MYT1L: variants seen among roughly 807,000 people sequenced by gnomAD.
The protein encoded by MYT1L is myelin transcription factor 1-like protein.
A neutral mutation model predicts 126.7 loss-of-function variants in MYT1L; 12 were observed. The ratio of observed to expected loss-of-function variants is 0.09; its 90% CI spans 0.06 to 0.15. The LOEUF is 0.15. Among genes scored for constraint, MYT1L ranks in the 10% least tolerant of loss-of-function variants. MYT1L has a pLI of 1.00. For missense variants in MYT1L, 979 were observed against 1,585.2 expected (o/e 0.62, Z 6.49); for synonymous variants, 541 against 604.2 (o/e 0.90, Z 1.53).
intron 4 of MYT1L, among the ~76,000 whole-genome samples, chr2:2,019,543 G>T (rs1279828563): frequency 1.1e-4 from 17 of 152,206 alleles, no homozygotes; most frequent in Admixed American, 1.1e-3. Flanking sequence ...CTTATCTCAA[G>T]TGATACATAA....
intron 13 of MYT1L, among the ~76,000 whole-genome samples, chr2:1,908,889 A>C (rs983693701): frequency 1.3e-5 from 2 of 152,186 alleles, no homozygotes; most frequent in African/African-American, 2.4e-5. Flanking sequence ...TTTATTGAGG[A>C]GTTATCTCTT....
At chr2:1,894,778 G>A (rs892140838) in intron 14 of MYT1L, among the ~76,000 whole-genome samples, 16 of 152,168 alleles carry the variant, frequency 1.1e-4, no homozygotes, top group East Asian at 3.9e-4. Context: ...GAGTGTGGGT[G>A]TGGAGGTGTG....
chr2:1,900,793 C>T (rs2050242559), intron 14 of MYT1L, among the ~76,000 whole-genome samples: 1 of 152,136 alleles, frequency 6.6e-6, no homozygotes, highest in Admixed American at 6.5e-5. Context: ...CTCTGTTTTC[C>T]TGAAGCCCTA....
chr2:2,124,655 T>G (rs986778623), intron 3 of MYT1L, among the ~76,000 whole-genome samples: 3 of 152,232 alleles, frequency 2.0e-5, no homozygotes, highest in Admixed American at 6.5e-5. Context: ...ATCTGCTATA[T>G]CTCATTGATT....
chr2:1,872,198 T>A (rs2046359883), intron 18 of MYT1L, among the ~76,000 whole-genome samples: 1 of 152,160 alleles, frequency 6.6e-6, no homozygotes, highest in Non-Finnish European at 1.5e-5. Flanking sequence ...GATGTCTCCA[T>A]CATTGTCTCG....
chr2:2,147,758 G>A (rs972536403), intron 3 of MYT1L, among the ~76,000 whole-genome samples: 11 of 152,198 alleles, frequency 7.2e-5, no homozygotes, highest in African/African-American at 2.4e-4. Context: ...GGGTGTCTGC[G>A]TCCCAGACGA....
chr2:2,207,109 C>A (rs1263816241), intron 2 of MYT1L, among the ~76,000 whole-genome samples: 4 of 152,180 alleles, frequency 2.6e-5, no homozygotes, highest in African/African-American at 9.7e-5. Context: ...ATGTATTGAT[C>A]AGTTGTTGAA....
chr2:2,088,750 A>G (rs2076606147), intron 3 of MYT1L, among the ~76,000 whole-genome samples: 2 of 152,218 alleles, frequency 1.3e-5, no homozygotes, highest in South Asian at 4.1e-4. Context: ...CCTGAATAAT[A>G]CTTTTAAAGA....
chr2:2,289,189 T>C (rs2095563777), intron 1 of MYT1L, among the ~76,000 whole-genome samples: 1 of 152,222 alleles, frequency 6.6e-6, no homozygotes, highest in South Asian at 2.1e-4. Context: ...AAAATCCCAG[T>C]AGGTGGCCCT....
intron 9 of MYT1L, among the ~76,000 whole-genome samples, chr2:1,924,995 T>C (rs4853821): frequency 0.076 from 11,538 of 152,168 alleles, 481 homozygotes; most frequent in African/African-American, 0.12. Context: ...ATTACAGAAG[T>C]TTCCTCAGAA....
At chr2:2,298,760 T>A (rs2095738985) in intron 1 of MYT1L, among the ~76,000 whole-genome samples, 1 of 152,204 alleles carries the variant, frequency 6.6e-6, no homozygotes, top group Admixed American at 6.5e-5. Context: ...GGTGGCACCC[T>A]CACTGAAGTT....
rs556562747 is a variant in MYT1L, at chr2:1,801,501, C to T, written c.3276+195G>A. 8.1e-5 allele frequency: 40 copies of T among 496,892 alleles called. No individual in the cohort carries two copies. The East Asian group carries it at 1.2e-3, about 15-fold the overall frequency. 30.8% of individuals were successfully genotyped at this position (496,892 alleles called of 1,614,324 possible). A position where few individuals can be genotyped will look rare whatever the true frequency, so the allele number is the denominator to read the frequency against. Reference sequence around the variant, plus strand: ...ACATGCAGACTGAAAACGAGAGAACCACGGCCCCTGCTACAGCGAACACTG... The same window carrying T: ...ACATGCAGACTGAAAACGAGAGAACTACGGCCCCTGCTACAGCGAACACTG... On this transcript the variant is annotated intron_variant, in intron 23 of 24. Transcript: ENST00000647738. The surrounding 1 kb of genome is among the most constrained non-coding windows in gnomAD (Gnocchi z 4.2).
At chr2:2,208,999 T>TACACACAC (rs34194445) in intron 2 of MYT1L, among the ~76,000 whole-genome samples, 3,383 of 150,052 alleles carry the variant, frequency 0.023, 61 homozygotes, top group South Asian at 0.047. Context: ...GGGAGGCATT[T>TACACACAC]ACACACACAC....
At chr2:2,180,735 T>C (rs2091357601) in intron 2 of MYT1L, among the ~76,000 whole-genome samples, 1 of 151,640 alleles carries the variant, frequency 6.6e-6, no homozygotes, top group Non-Finnish European at 1.5e-5. Flanking sequence ...CCTGCATGTG[T>C]GCCTGTGTGT....
rs568457790 is a variant in MYT1L at position 2,228,655 on chromosome 2, C to T, written c.-420-55667G>A. 1.3e-5 allele frequency among the ~76,000 whole-genome samples: 2 copies of T among 152,114 alleles called. No individual in the cohort carries two copies. Among genetic ancestry groups the T allele is most frequent in the South Asian group, 4.2e-4 (2 of 4,814 alleles). Reference sequence around the variant, plus strand: ...CTAGAAACCCACTTTGTCTATAAAACATTAAAATAGAACCATTTATATAAC... The same window carrying T: ...CTAGAAACCCACTTTGTCTATAAAATATTAAAATAGAACCATTTATATAAC... On this transcript the variant is annotated intron_variant, in intron 2 of 24. Transcript: ENST00000647738. This position sits in a 1 kb window ranked among gnomAD's most constrained non-coding sequence, Gnocchi z 5.9.
intron 4 of MYT1L, among the ~76,000 whole-genome samples, chr2:2,033,007 C>T (rs1353798402): frequency 2.2e-5 from 3 of 138,716 alleles, no homozygotes; most frequent in African/African-American, 8.2e-5. Context: ...CTCGCCAGTG[C>T]CTCTCATCTT....
chr2:2,127,858 G>T (rs1367314546), intron 3 of MYT1L, among the ~76,000 whole-genome samples: 1 of 152,130 alleles, frequency 6.6e-6, no homozygotes, highest in Non-Finnish European at 1.5e-5. Context: ...GAAGATTAGG[G>T]ACTTCTGAGT....
rs952476512 is a variant in MYT1L at position 1,993,477 on chromosome 2, TA to T, written c.-1+3713del. The stretch of plus-strand genomic sequence containing the variant: ...TTTTTTGTACTTGCTATTTTTCACT[TA>T]AAAAAAAATCACAGCCATCTCTCTA... On this transcript the variant is annotated intron_variant, in intron 5 of 24. Coordinates refer to ENST00000647738, the MANE Select transcript of MYT1L (RefSeq NM_001303052.2). Among the ~76,000 whole-genome samples, 1,266 of 151,608 alleles carry T rather than the reference TA, an allele frequency of 8.4e-3. 27 individuals are homozygous for T. The highest frequency in any genetic ancestry group is 0.028 in the African/African-American group (1,172 of 41,374).
At chr2:1,966,490 T>C (rs1281625719) in intron 8 of MYT1L, among the ~76,000 whole-genome samples, 1 of 152,142 alleles carries the variant, frequency 6.6e-6, no homozygotes, top group East Asian at 1.9e-4. Context: ...GGAGAGAGGC[T>C]CTTCTGGAAA....
Sources: allele counts gnomAD v4.1 joint callset (sites outside exome capture counted in the v4.1 genomes callset), GRCh38; gene constraint gnomAD v4.1.1; non-coding constraint Gnocchi (gnomAD v3.1); transcripts MANE v1.5; gene names NCBI Gene and HGNC (gene_info 2026-07-23, HGNC 2026-07-21).